Variants in NRXN1 observed in about 807,000 individuals in gnomAD.
The protein encoded by NRXN1 is neurexin 1, also known as neurexin-1.
NRXN1 carries 39 observed loss-of-function variants against 150.9 expected under a neutral mutation model. The ratio of observed to expected loss-of-function variants is 0.26; its 90% CI spans 0.20 to 0.34. The LOEUF (loss-of-function observed/expected upper bound fraction) is 0.34, where lower values mean the gene tolerates loss of function less well. NRXN1 is among the 10% of genes least tolerant of loss of function. The pLI is 1.00. For missense variants in NRXN1, 1,815 were observed against 1,949.9 expected (o/e 0.93, Z 1.30); for synonymous variants, 924 against 757.0 (o/e 1.22, Z -3.62).
intron 2 of NRXN1, among the ~76,000 whole-genome samples, chr2:50,935,658 C>T (rs903606030): frequency 6.6e-6 from 1 of 151,748 alleles, no homozygotes. Flanking sequence ...ATCTGGGAGG[C>T]GGAGGTTGCA....
In NRXN1 at chr2:50,951,164, T is replaced by C. The variant is rs563996149; in HGVS notation, c.773-25209A>G. Among the ~76,000 whole-genome samples, 9 of 152,288 alleles carry C rather than the reference T, an allele frequency of 5.9e-5. No homozygotes were observed. The South Asian group carries it at 1.9e-3, about 32-fold the overall frequency. ...ATAGGTTACAGCTCAGGATAATTCC[T>C]TGGAGATGTGCCTTGGGGGCAACCT... On this transcript the variant is annotated intron_variant, in intron 2 of 22. Coordinates refer to ENST00000401669, the MANE Select transcript of NRXN1 (RefSeq NM_001330078.2).
intron 2 of NRXN1, among the ~76,000 whole-genome samples, chr2:50,958,423 C>T (rs1365700875): frequency 1.3e-5 from 2 of 151,988 alleles, no homozygotes; most frequent in African/African-American, 2.4e-5. Flanking sequence ...AATTTGCATT[C>T]TTCTTTTACC....
rs541894531 is a variant in NRXN1 at position 50,668,933 on chromosome 2, G to A, written c.833-45318C>T. On this transcript the variant is annotated intron_variant, in intron 5 of 22. Transcript: ENST00000401669. ...GCATTGTGATATACAAAAAGCATAG[G>A]CTGTTTTTCAGTGTCGAAATAAAAA... Among the ~76,000 whole-genome samples the A allele has an allele frequency of 2.6e-5, 4 of 152,110 alleles. No individual in the cohort carries two copies. The East Asian group carries it at 7.8e-4, about 30-fold the overall frequency.
intron 5 of NRXN1, among the ~76,000 whole-genome samples, chr2:50,901,846 G>C (rs1422977179): frequency 2.0e-5 from 3 of 152,156 alleles, no homozygotes; most frequent in African/African-American, 7.2e-5. Context: ...TCACTAAATA[G>C]GTTTTCAAGC....
intron 12 of NRXN1, among the ~76,000 whole-genome samples, chr2:50,525,993 T>G (rs1479408874): frequency 6.6e-6 from 1 of 152,202 alleles, no homozygotes; most frequent in Non-Finnish European, 1.5e-5. Context: ...CAGGTTTGAA[T>G]ACATGTAGCT....
intron 2 of NRXN1, among the ~76,000 whole-genome samples, chr2:50,948,572 T>G (rs1558473835): frequency 6.6e-6 from 1 of 152,038 alleles, no homozygotes; most frequent in Non-Finnish European, 1.5e-5. Flanking sequence ...TTCATTTCAT[T>G]GCTTTAGAAC....
intron 18 of NRXN1, among the ~76,000 whole-genome samples, chr2:50,182,971 A>G (rs562982251): frequency 6.6e-6 from 1 of 152,164 alleles, no homozygotes; most frequent in East Asian, 1.9e-4. Flanking sequence ...ATAGCAAGGG[A>G]AACTAAAATA....
intron 19 of NRXN1, among the ~76,000 whole-genome samples, chr2:50,057,294 C>G (rs1045701254): frequency 6.6e-6 from 1 of 152,134 alleles, no homozygotes; most frequent in Non-Finnish European, 1.5e-5. Context: ...TCTTTCTTCT[C>G]TCTGGGACTT....
At chr2:50,638,298 T>A (rs1315363508) in intron 5 of NRXN1, among the ~76,000 whole-genome samples, 1 of 152,198 alleles carries the variant, frequency 6.6e-6, no homozygotes, top group Non-Finnish European at 1.5e-5. Context: ...TTAGTTCCAA[T>A]GACCAGTTTA....
intron 17 of NRXN1, among the ~76,000 whole-genome samples, chr2:50,368,459 C>T (rs1056626543): frequency 4.6e-5 from 7 of 151,858 alleles, no homozygotes; most frequent in Non-Finnish European, 7.4e-5. Flanking sequence ...ATTTGATGGA[C>T]CTTTTAGCAG....
chr2:50,053,693 T>A, intron 20 of NRXN1, 103 bp from the exon 21 acceptor site: 1 of 1,190,788 alleles, frequency 8.4e-7, no homozygotes, highest in South Asian at 1.3e-5. Context: ...ATGAGAGCAA[T>A]AAACTATAAG....
At chr2:50,738,325 T>A (rs1244103314) in intron 5 of NRXN1, among the ~76,000 whole-genome samples, 1 of 152,208 alleles carries the variant, frequency 6.6e-6, no homozygotes. Context: ...CTCCACAGTT[T>A]GCTGGAAGTA....
intron 5 of NRXN1, among the ~76,000 whole-genome samples, chr2:50,728,339 C>T (rs1418719433): frequency 6.6e-6 from 1 of 152,114 alleles, no homozygotes; most frequent in Non-Finnish European, 1.5e-5. Flanking sequence ...GCTTTACCTA[C>T]TTATAAGATA....
At chr2:50,354,035 T>C (rs2078611679) in intron 17 of NRXN1, among the ~76,000 whole-genome samples, 1 of 152,144 alleles carries the variant, frequency 6.6e-6, no homozygotes, top group South Asian at 2.1e-4. Flanking sequence ...CATGGAGAGC[T>C]TTCTCATTAA....
In NRXN1 at chr2:50,810,195, A is replaced by G. The variant is rs952840213; in HGVS notation, c.832+111674T>C. Among the ~76,000 whole-genome samples, 3 of 152,118 alleles carry G rather than the reference A, an allele frequency of 2.0e-5. No homozygotes were observed. In the East Asian group the frequency reaches 5.8e-4, roughly 29 times the overall value. On this transcript the variant is annotated intron_variant, in intron 5 of 22. Coordinates refer to ENST00000401669, the MANE Select transcript of NRXN1 (RefSeq NM_001330078.2). Reference sequence around the variant, plus strand: ...AAGAACATGAGGTCCAACTAATTCCAAGCATTTCTTTAATATGGTAAAGGT... The same window carrying G: ...AAGAACATGAGGTCCAACTAATTCCGAGCATTTCTTTAATATGGTAAAGGT...
chr2:50,522,209 A>C (rs1184510704), intron 12 of NRXN1, among the ~76,000 whole-genome samples: 1 of 152,284 alleles, frequency 6.6e-6, no homozygotes, highest in Non-Finnish European at 1.5e-5. Context: ...AGATTTGGGG[A>C]TATTTGTATA....
chr2:50,382,653 A>C (rs2081054460), intron 17 of NRXN1, among the ~76,000 whole-genome samples: 1 of 152,172 alleles, frequency 6.6e-6, no homozygotes, highest in Admixed American at 6.5e-5. Flanking sequence ...CTCCCTAGAT[A>C]GAGAGTTATG....
intron 15 of NRXN1, among the ~76,000 whole-genome samples, chr2:50,489,707 T>C (rs900140705): frequency 6.6e-6 from 1 of 152,110 alleles, no homozygotes; most frequent in Non-Finnish European, 1.5e-5. Context: ...AGACAACCCA[T>C]GGTTAATGTC....
chr2:50,339,057 T>C (rs2077376400), intron 17 of NRXN1, among the ~76,000 whole-genome samples: 1 of 152,066 alleles, frequency 6.6e-6, no homozygotes, highest in Non-Finnish European at 1.5e-5. Context: ...CTAAACCACA[T>C]AAATAATTAC....
Sources: gnomAD v4.1 joint callset for allele counts (sites outside exome capture counted in the v4.1 genomes callset) on GRCh38, gnomAD v4.1.1 for gene constraint, MANE v1.5 for transcripts, NCBI Gene and HGNC (gene_info 2026-07-23, HGNC 2026-07-21) for gene names.